The following CATSPERT variants were observed in gnomAD, a reference collection of about 807,000 sequenced individuals.
CATSPERT encodes cation channel sperm-associated targeting subunit tau.
chr2:201,555,568 T>C, the CATSPERT span: 2 of 152,130 alleles, frequency 1.3e-5, no homozygotes. Context: ...AGCACTAACA[T>C]TTATAGCCAT....
the CATSPERT span, among the ~76,000 whole-genome samples, chr2:201,579,038 T>C: frequency 1.3e-4 from 20 of 152,314 alleles, no homozygotes; most frequent in South Asian, 1.2e-3. Context: ...ATATGTTTGC[T>C]GATCTATTTA....
chr2:201,502,845 G>T, the CATSPERT span, among the ~76,000 whole-genome samples: 17,759 of 150,718 alleles, frequency 0.12, 1,394 homozygotes, highest in Middle Eastern at 0.17. Flanking sequence ...CCAGACTCCA[G>T]TTACATGTGT....
the CATSPERT span, chr2:201,536,192 CAAT>C: frequency 1.9e-6 from 3 of 1,613,476 alleles, no homozygotes; most frequent in Non-Finnish European, 2.5e-6. Flanking sequence ...AAATAGTGCA[CAAT>C]GAGTGCACTT....
chr2:201,586,045 A>G, the CATSPERT span, among the ~76,000 whole-genome samples: 1 of 152,182 alleles, frequency 6.6e-6, no homozygotes, highest in African/African-American at 2.4e-5. Flanking sequence ...GACAAGAATG[A>G]AGACCTTTAT....
the CATSPERT span, among the ~76,000 whole-genome samples, chr2:201,567,366 A>G: frequency 3.3e-5 from 5 of 152,236 alleles, no homozygotes; most frequent in Admixed American, 6.5e-5. Context: ...GTCCATAAAA[A>G]GAGAACCAAT....
chr2:201,505,398 T>C, the CATSPERT span, among the ~76,000 whole-genome samples: 1 of 152,182 alleles, frequency 6.6e-6, no homozygotes, highest in Non-Finnish European at 1.5e-5. Context: ...GGTTCACTTT[T>C]CTAAGCAATC....
At chr2:201,492,080 G>A in the CATSPERT span, 39 of 1,527,926 alleles carry the variant, frequency 2.6e-5, no homozygotes, top group East Asian at 8.8e-4. Context: ...TTTAAATTCT[G>A]TAAGGGAAAA....
At chr2:201,498,919 G>T in the CATSPERT span, among the ~76,000 whole-genome samples, 1 of 151,194 alleles carries the variant, frequency 6.6e-6, no homozygotes, top group South Asian at 2.1e-4. Flanking sequence ...AGTAACGATT[G>T]CTGAGACTCA....
chr2:201,569,926 C>A, the CATSPERT span, among the ~76,000 whole-genome samples: 2 of 152,134 alleles, frequency 1.3e-5, no homozygotes, highest in Non-Finnish European at 2.9e-5. Flanking sequence ...CTCACACCTG[C>A]AATCCCAGCA....
the CATSPERT span, among the ~76,000 whole-genome samples, chr2:201,573,212 G>A: frequency 0.055 from 8,379 of 152,272 alleles, 282 homozygotes; most frequent in African/African-American, 0.08. Context: ...GATATAATGA[G>A]AGAAAAGGAT....
the CATSPERT span, chr2:201,551,176 T>G: frequency 1.3e-5 from 2 of 152,240 alleles, no homozygotes; most frequent in African/African-American, 4.8e-5. Flanking sequence ...CTGCATAGCC[T>G]AGAAATATTT....
At chr2:201,564,504 A>T in the CATSPERT span, among the ~76,000 whole-genome samples, 1 of 152,226 alleles carries the variant, frequency 6.6e-6, no homozygotes, top group Non-Finnish European at 1.5e-5. Flanking sequence ...GGATTTTAAA[A>T]TAGCAATGAT....
the CATSPERT span, among the ~76,000 whole-genome samples, chr2:201,506,053 G>A: frequency 6.6e-6 from 1 of 152,166 alleles, no homozygotes; most frequent in Non-Finnish European, 1.5e-5. Flanking sequence ...GGATCACAAG[G>A]TCAGGAGATC....
chr2:201,576,632 T>C, the CATSPERT span, among the ~76,000 whole-genome samples: 1 of 152,256 alleles, frequency 6.6e-6, no homozygotes, highest in African/African-American at 2.4e-5. Context: ...GTTTGCAATA[T>C]TGACTGACTT....
the CATSPERT span, among the ~76,000 whole-genome samples, chr2:201,593,269 A>G: frequency 9.3e-5 from 14 of 151,166 alleles, no homozygotes; most frequent in Admixed American, 7.3e-4. Flanking sequence ...CAGGTTGTTC[A>G]GTTTCCATGT....
chr2:201,487,599 G>A, the CATSPERT span: 5 of 1,605,300 alleles, frequency 3.1e-6, no homozygotes, highest in South Asian at 2.2e-5. Flanking sequence ...TATCACAAAT[G>A]AGCGAACATT....
At chr2:201,541,105 C>G in the CATSPERT span, among the ~76,000 whole-genome samples, 9 of 152,150 alleles carry the variant, frequency 5.9e-5, no homozygotes, top group African/African-American at 2.2e-4. Context: ...CTGCTACAAT[C>G]TCATTATAAA....
chr2:201,495,369 G>A, the CATSPERT span, among the ~76,000 whole-genome samples: 1 of 152,004 alleles, frequency 6.6e-6, no homozygotes, highest in Non-Finnish European at 1.5e-5. Flanking sequence ...CTCAGAAATG[G>A]ATGAGGGAGA....
chr2:201,506,295 A>AC, the CATSPERT span, among the ~76,000 whole-genome samples: 1 of 151,684 alleles, frequency 6.6e-6, no homozygotes, highest in African/African-American at 2.4e-5. Context: ...AAACAAACAA[A>AC]ACACCAAGTC....
Sources: allele counts gnomAD v4.1 joint callset (sites outside exome capture counted in the v4.1 genomes callset), GRCh38; gene constraint gnomAD v4.1.1; transcripts MANE v1.5; gene names NCBI Gene and HGNC (gene_info 2026-07-23, HGNC 2026-07-21).